The following LMO4 variants were observed in gnomAD, a reference collection of about 807,000 sequenced individuals.
LMO4 encodes the protein LIM domain transcription factor LMO4.
A neutral mutation model predicts 18.5 loss-of-function variants in LMO4; 3 were observed. The ratio of observed to expected loss-of-function variants is 0.16; its 90% CI spans 0.07 to 0.42. The LOEUF is 0.42. Ranked by LOEUF, LMO4 falls within the 10% of genes least tolerant of loss-of-function variation. The pLI is 0.99. For missense variants in LMO4, 121 were observed against 219.9 expected (o/e 0.55, Z 2.84); for synonymous variants, 100 against 88.1 (o/e 1.14, Z -0.76).
At chr1:87,333,629 C>T (rs1650213734) in intron 2 of LMO4, among the ~76,000 whole-genome samples, 1 of 152,092 alleles carries the variant, frequency 6.6e-6, no homozygotes, top group African/African-American at 2.4e-5. Flanking sequence ...CAACCTGTGT[C>T]GATTCTGCTG....
intron 2 of LMO4, among the ~76,000 whole-genome samples, chr1:87,332,688 A>G (rs1286816953): frequency 2.6e-5 from 4 of 152,258 alleles, no homozygotes; most frequent in African/African-American, 7.2e-5. Flanking sequence ...TGATTTGTCT[A>G]TGGCGATGGC....
At chr1:87,332,883 C>G (rs554910241) in intron 2 of LMO4, among the ~76,000 whole-genome samples, 4 of 152,248 alleles carry the variant, frequency 2.6e-5, no homozygotes, top group African/African-American at 9.6e-5. Context: ...CATACTGTTA[C>G]TCGGAGGCTT....
At chr1:87,344,536 T>C (rs1162649860) in intron 4 of LMO4, among the ~76,000 whole-genome samples, 1 of 152,228 alleles carries the variant, frequency 6.6e-6, no homozygotes, top group African/African-American at 2.4e-5. Flanking sequence ...ATTGTAGTAC[T>C]TTACACCAGA....
At position 87,335,041 on chromosome 1, in the gene LMO4, G is replaced by T. The variant is rs973509573; in HGVS notation, c.236+2790G>T. Among the ~76,000 whole-genome samples, 3 of 151,404 alleles carry T rather than the reference G, an allele frequency of 2.0e-5. No individual in the cohort carries two copies. The East Asian group carries it at 5.9e-4, about 30-fold the overall frequency. ...AGAGAGGGAGGGAAAGAATGAAGGGGGGGGGGTTGTAGAGCGGAGGGGGAG... is the reference window on the plus strand; with the variant it reads ...AGAGAGGGAGGGAAAGAATGAAGGGTGGGGGGTTGTAGAGCGGAGGGGGAG... On this transcript the variant is annotated intron_variant, in intron 2 of 4. Coordinates refer to ENST00000370544, the MANE Select transcript of LMO4 (RefSeq NM_006769.4).
intron 2 of LMO4, among the ~76,000 whole-genome samples, chr1:87,334,669 T>A (rs1650247127): frequency 6.6e-6 from 1 of 151,842 alleles, no homozygotes; most frequent in African/African-American, 2.4e-5. Context: ...AAGGTCTTGC[T>A]AAAAAGCTGC....
rs1650623699 is a variant in LMO4 at position 87,346,264 on chromosome 1, T to G, written c.*1468T>G. ...AGTCTTGAGATACTGAGTTGCTGGT[T>G]GCAGGCAGCAGAGTGTCCACCACAG... On this transcript the variant is annotated 3_prime_UTR_variant, in exon 5 of 5. Coordinates refer to ENST00000370544, the MANE Select transcript of LMO4 (RefSeq NM_006769.4). 1 of 152,250 alleles carries G rather than the reference T, an allele frequency of 6.6e-6. No individual in the cohort carries two copies. The highest frequency in any genetic ancestry group is 2.4e-5 in the African/African-American group (1 of 41,462). The allele number at this position is 152,250 out of a possible 1,614,324, so 9.4% of individuals were successfully genotyped here.
chr1:87,338,233 A>G (rs1302437237), intron 2 of LMO4, among the ~76,000 whole-genome samples: 1 of 152,246 alleles, frequency 6.6e-6, no homozygotes, highest in Non-Finnish European at 1.5e-5. Context: ...ATTTTTATAT[A>G]GAGGCATGCT....
intron 1 of LMO4, 37 bp from the exon 2 acceptor site, chr1:87,331,976 T>G (rs1650168260): frequency 6.5e-7 from 1 of 1,542,240 alleles, no homozygotes; most frequent in Admixed American, 1.7e-5. Flanking sequence ...GCCCCTGTTT[T>G]GTCTTTCTCT....
At chr1:87,334,554 C>T (rs1650244154) in intron 2 of LMO4, among the ~76,000 whole-genome samples, 1 of 152,212 alleles carries the variant, frequency 6.6e-6, no homozygotes, top group South Asian at 2.1e-4. Context: ...TGCTCGCCCG[C>T]CGCCAGGTGA....
chr1:87,342,631 T>C (rs574361186), intron 4 of LMO4, among the ~76,000 whole-genome samples: 107 of 152,276 alleles, frequency 7.0e-4, no homozygotes, highest in Middle Eastern at 3.4e-3. Context: ...AAGCTGTGTT[T>C]TGGGGGTGCT....
At chr1:87,335,996 T>TA (rs1372751759) in intron 2 of LMO4, among the ~76,000 whole-genome samples, 1 of 139,890 alleles carries the variant, frequency 7.1e-6, no homozygotes, top group Non-Finnish European at 1.5e-5. Flanking sequence ...GCAGATCTGT[T>TA]ACTCTGAATT....
rs372749643 is a variant in LMO4 at position 87,332,000 on chromosome 1, C to A, written c.-3-13C>A. The stretch of plus-strand genomic sequence containing the variant: ...TTGTCTTTCTCTCCCTGTCCCCTTC[C>A]CGCCCTCTGCAGACCATGGTGAATC... On this transcript the variant is annotated splice_polypyrimidine_tract_variant and intron_variant, in intron 1 of 4. Transcript: ENST00000370544. The A allele has an allele frequency of 1.1e-5, 17 of 1,606,032 alleles. No homozygotes were observed. Among genetic ancestry groups the A allele is most frequent in the Admixed American group, 1.0e-4 (6 of 59,888 alleles).
Position 87,348,536 on chromosome 1 carries a change from T to C in LMO4, c.*3740T>C, listed in dbSNP as rs1399621634. On this transcript the variant is annotated 3_prime_UTR_variant, in exon 5 of 5. Transcript: ENST00000370544. The stretch of plus-strand genomic sequence containing the variant: ...ATGTTAAACAGCCAGCTACTCCCAC[T>C]TGCAGAGTCTGAGATCTGACTAGCA... 1 of 372,382 alleles carries C rather than the reference T, an allele frequency of 2.7e-6. No individual in the cohort carries two copies. The highest frequency in any genetic ancestry group is 3.1e-5 in the Admixed American group (1 of 32,068). The allele number at this position is 372,382 out of a possible 1,614,324, so 23.1% of individuals were successfully genotyped here.
At chr1:87,339,660 T>TAAA in intron 3 of LMO4, 28 bp downstream of exon 3, 2 of 1,238,926 alleles carry the variant, frequency 1.6e-6, no homozygotes, top group African/African-American at 1.5e-5. Flanking sequence ...CTTTTTTTTT[T>TAAA]AAAAAAAAAA....
chr1:87,334,618 A>C (rs548288017), intron 2 of LMO4, among the ~76,000 whole-genome samples: 4 of 152,254 alleles, frequency 2.6e-5, no homozygotes, highest in Non-Finnish European at 5.9e-5. Flanking sequence ...AGGGGCTTTT[A>C]AACTGTCTTG....
In LMO4 at chr1:87,329,004, C is replaced by T. The variant is rs1650049914; in HGVS notation, c.-244C>T. ...AGAAGGACGAAGACTGAGACTGACACTTCTGCTCCCGGCCGCCCGGCACTT... is the reference window on the plus strand; with the variant it reads ...AGAAGGACGAAGACTGAGACTGACATTTCTGCTCCCGGCCGCCCGGCACTT... On this transcript the variant is annotated 5_prime_UTR_variant, in exon 1 of 5. Transcript: ENST00000370544. 1 of 151,712 alleles carries T rather than the reference C, an allele frequency of 6.6e-6. No individual in the cohort carries two copies. Among genetic ancestry groups the T allele is most frequent in the African/African-American group, 2.4e-5 (1 of 41,310 alleles). The allele number at this position is 151,712 out of a possible 1,614,324, so 9.4% of individuals were successfully genotyped here.
At chr1:87,332,279 TGGG>T (rs1420195173) in intron 2 of LMO4, 28 bp downstream of exon 2, 1 of 1,565,358 alleles carries the variant, frequency 6.4e-7, no homozygotes, top group Non-Finnish European at 8.8e-7. Flanking sequence ...TTCCTGGAGA[TGGG>T]GGGAAGAGCA....
At chr1:87,341,574 A>G (rs1463697889) in intron 4 of LMO4, among the ~76,000 whole-genome samples, 1 of 152,162 alleles carries the variant, frequency 6.6e-6, no homozygotes, top group Non-Finnish European at 1.5e-5. Flanking sequence ...GGGGTTTGAC[A>G]AATATTTGAA....
At chr1:87,331,705 A>C (rs931874259) in intron 1 of LMO4, 2 of 377,022 alleles carry the variant, frequency 5.3e-6, no homozygotes, top group African/African-American at 4.2e-5. Context: ...TGGAGCGCGC[A>C]GCGGAGCCTG....
Sources: allele counts gnomAD v4.1 joint callset (sites outside exome capture counted in the v4.1 genomes callset), GRCh38; gene constraint gnomAD v4.1.1; transcripts MANE v1.5; gene names NCBI Gene and HGNC (gene_info 2026-07-23, HGNC 2026-07-21).